The following SPTBN5 variants were observed in gnomAD, a reference collection of about 807,000 sequenced individuals.
SPTBN5 encodes spectrin beta chain, non-erythrocytic 5.
SPTBN5 carries 513 observed loss-of-function variants against 477.6 expected under a neutral mutation model. The ratio of observed to expected loss-of-function variants is 1.07; its 90% CI spans 1.00 to 1.16. SPTBN5 has a LOEUF of 1.16. SPTBN5 is among the 50% of genes most tolerant of loss of function. The pLI is 0.00. For synonymous variants in SPTBN5, 2,169 were observed against 2,011.7 expected (o/e 1.08, Z -2.09); for missense variants, 5,062 against 4,731.8 (o/e 1.07, Z -2.05).
At chr15:41,884,229 G>A (rs1297993818) in intron 7 of SPTBN5, among the ~76,000 whole-genome samples, 2 of 151,684 alleles carry the variant, frequency 1.3e-5, no homozygotes, top group South Asian at 2.1e-4. Flanking sequence ...CTCGTGATCT[G>A]CCCGCCTCAG....
chr15:41,876,620 C>G lies in SPTBN5; in HGVS notation c.3879G>C (p.Gln1293His). Residue 1293 changes from glutamine (Q) to histidine (H), a missense_variant, in exon 20 of 68, where the codon CAG becomes CAC. Physicochemically the swap from Gln to His is conservative, Grantham distance 24. Transcript: ENST00000320955. ...TCCCCTGGAGCCTGGTCCACTGTGC[C>G]TGGATACTCTGCAGCTGCTCTCTGA... The part of the protein sequence containing the change: ...HTVREQLQSI[Q>H]AQWTRLQGRS... 3.3e-6 allele frequency: 5 copies of G among 1,526,594 alleles called. No homozygotes were observed. The highest frequency in any genetic ancestry group is 4.4e-6 in the Non-Finnish European group (5 of 1,124,398). 94.6% of individuals were successfully genotyped at this position (1,526,594 alleles called of 1,614,324 possible). A position where few individuals can be genotyped will look rare whatever the true frequency, so the allele number is the denominator to read the frequency against.
chr15:41,858,346 C>T (rs2065988400), intron 49 of SPTBN5, among the ~76,000 whole-genome samples: 1 of 152,210 alleles, frequency 6.6e-6, no homozygotes, highest in Admixed American at 6.5e-5. Context: ...GTGGCTATGT[C>T]CTGTTCACAT....
At chr15:41,859,984 C>G (rs767849823) in intron 47 of SPTBN5, among the ~76,000 whole-genome samples, 2 of 152,202 alleles carry the variant, frequency 1.3e-5, no homozygotes, top group African/African-American at 4.8e-5. Context: ...GTCTGAGGAG[C>G]TGCATGAAGC....
rs149644179 is a variant in SPTBN5 at position 41,855,198 on chromosome 15, G to C, written c.9423+26C>G. Reference sequence around the variant, plus strand: ...CTTCCTCAGCCTCTGCCCACTCCCCGTGAGGTTTGCTCAGGAGTAACTCAC... The same window carrying C: ...CTTCCTCAGCCTCTGCCCACTCCCCCTGAGGTTTGCTCAGGAGTAACTCAC... On this transcript the variant is annotated intron_variant, in intron 55 of 67. Coordinates refer to ENST00000320955, the MANE Select transcript of SPTBN5 (RefSeq NM_016642.4). The C allele has an allele frequency of 5.0e-5, 80 of 1,592,934 alleles. 2 individuals are homozygous for C. The East Asian group carries it at 1.8e-3, about 35-fold the overall frequency.
intron 7 of SPTBN5, among the ~76,000 whole-genome samples, chr15:41,884,177 G>T (rs998370350): frequency 6.6e-6 from 1 of 152,042 alleles, no homozygotes; most frequent in Non-Finnish European, 1.5e-5. Flanking sequence ...TAGTAGAGAC[G>T]GGGTTTCACT....
Position 41,878,638 on chromosome 15 carries a change from C to T in SPTBN5, c.3183-9G>A. On this transcript the variant is annotated splice_polypyrimidine_tract_variant and intron_variant, in intron 16 of 67. Transcript: ENST00000320955. The stretch of plus-strand genomic sequence containing the variant: ...AGCCTGGCTCCTCGACCCTGGGAGA[C>T]AGGGTGCGCTGCACAGTCAGTGCCC... The T allele has an allele frequency of 6.2e-7, 1 of 1,607,016 alleles. No individual in the cohort carries two copies. Among genetic ancestry groups the T allele is most frequent in the South Asian group, 1.1e-5 (1 of 90,398 alleles).
rs1459831442 is a variant in SPTBN5, at chr15:41,851,135, C to A, written c.10759G>T (p.Ala3587Ser). Reference protein sequence around the residue: ...RMAAEKVASIALLDLTGARCE... With the variant: ...RMAAEKVASISLLDLTGARCE... ...CGGGCTCCCGTGAGGTCAAGGAGGG[C>A]TATGGAAGCTACTTTCTGAGGAGAG... The change falls in exon 65 of 68, where the codon GCC becomes TCC. Residue 3587 changes from alanine to serine, a missense_variant. By Grantham distance (99) the Ala-to-Ser change is moderately conservative. Transcript: ENST00000320955. 2 of 1,613,138 alleles carry A rather than the reference C, an allele frequency of 1.2e-6. No homozygotes were observed. Among genetic ancestry groups the A allele is most frequent in the Non-Finnish European group, 1.7e-6 (2 of 1,179,746 alleles).
chr15:41,865,294 AT>A (rs2066261940), intron 39 of SPTBN5, among the ~76,000 whole-genome samples: 2 of 152,188 alleles, frequency 1.3e-5, no homozygotes, highest in Admixed American at 1.3e-4. Flanking sequence ...GTGGGCGCTG[AT>A]TATCTGCCAC....
Position 41,858,610 on chromosome 15 carries a change from G to A in SPTBN5, c.8218C>T (p.Leu2740=). The change falls in exon 49 of 68, where the codon CTG becomes TTG. Residue 2740 remains leucine (L), a synonymous_variant. Coordinates refer to ENST00000320955, the MANE Select transcript of SPTBN5 (RefSeq NM_016642.4). ...LDASMHQQQE[L]QREGQRLLQG... is the part of the protein sequence containing the mutation. ...TGCCTGCAGGGCCTCACCCGCTGCA[G>A]CTCCTGCTGTTGGTGCATGCTCGCG... 6.2e-7 allele frequency: 1 copy of A among 1,610,982 alleles called. No individual in the cohort carries two copies. Among genetic ancestry groups the A allele is most frequent in the East Asian group, 2.2e-5 (1 of 44,826 alleles).
intron 53 of SPTBN5, among the ~76,000 whole-genome samples, chr15:41,855,990 G>A (rs1252148443): frequency 6.6e-6 from 1 of 152,236 alleles, no homozygotes; most frequent in Non-Finnish European, 1.5e-5. Context: ...TGGTTCATAG[G>A]CATAGATTTT....
intron 4 of SPTBN5, 37 bp from the exon 5 acceptor site, chr15:41,888,122 T>G (rs1182915975): frequency 6.5e-7 from 1 of 1,542,656 alleles, no homozygotes. Context: ...CATGCGGGGA[T>G]GGGGTGGGGA....
At position 41,882,057 on chromosome 15, in the gene SPTBN5, G is replaced by C. The variant is rs2066976502; in HGVS notation, c.2336C>G (p.Ala779Gly). ...ERASCGQDQA[A>G]AETLLRRHVR... ...GTGGCGCCTCAGCAGGGTCTCGGCG[G>C]CCGCCTGGTCCTGACCGCAGGACGC... Residue 779 changes from alanine (A) to glycine (G), a missense_variant, in exon 12 of 68, where the codon GCC (alanine) becomes GGC (glycine). Ala to Gly is a moderately conservative substitution (Grantham distance 60). Coordinates refer to ENST00000320955, the MANE Select transcript of SPTBN5 (RefSeq NM_016642.4). 6.4e-7 allele frequency: 1 copy of C among 1,560,106 alleles called. No individual in the cohort carries two copies. The highest frequency in any genetic ancestry group is 2.4e-5 in the East Asian group (1 of 41,506).
intron 57 of SPTBN5, 72 bp downstream of exon 57, chr15:41,853,978 T>C (rs2065858060): frequency 1.3e-6 from 2 of 1,493,866 alleles, no homozygotes; most frequent in African/African-American, 1.4e-5. Flanking sequence ...GTGGGAGGGC[T>C]GAGATAGGTC....
Position 41,855,448 on chromosome 15 carries a change from G to A in SPTBN5, c.9219-20C>T. The A allele has an allele frequency of 7.5e-6, 12 of 1,596,642 alleles. No individual in the cohort carries two copies. Among genetic ancestry groups the A allele is most frequent in the Admixed American group, 1.7e-5 (1 of 59,604 alleles). ...TTGGGGCTGTGGGAAGAGAGCGACA[G>A]TCTGGACTGCAGCCCTGCCTTTCCA... On this transcript the variant is annotated intron_variant, in intron 54 of 67. Coordinates refer to ENST00000320955, the MANE Select transcript of SPTBN5 (RefSeq NM_016642.4).
rs1319347173 is a variant in SPTBN5, at chr15:41,863,018, TG to T, written c.7150-116del. Reference sequence around the variant, plus strand: ...ACAGCAAGTCCCCAGCGTGATTTCCTGGCCCCGACTTTGAGGGCCAGAGATC... The same window carrying T: ...ACAGCAAGTCCCCAGCGTGATTTCCTGCCCCGACTTTGAGGGCCAGAGATC... On this transcript the variant is annotated intron_variant, in intron 41 of 67. Coordinates refer to ENST00000320955, the MANE Select transcript of SPTBN5 (RefSeq NM_016642.4). The T allele has an allele frequency of 1.2e-5, 11 of 925,018 alleles. No homozygotes were observed. The Admixed American group carries it at 2.4e-4, about 20-fold the overall frequency. The allele number at this position is 925,018 out of a possible 1,614,324, so 57.3% of individuals were successfully genotyped here.
chr15:41,857,771 T>A, intron 49 of SPTBN5, 61 bp from the exon 50 acceptor site: 1 of 1,505,640 alleles, frequency 6.6e-7, no homozygotes, highest in South Asian at 1.2e-5. Context: ...AGGGCACTTG[T>A]GTTGACTCTG....
Position 41,870,544 on chromosome 15 carries a change from G to T in SPTBN5, c.5464C>A (p.Leu1822Met), listed in dbSNP as rs758855929. 1.2e-6 allele frequency: 2 copies of T among 1,609,244 alleles called. No homozygotes were observed. The highest frequency in any genetic ancestry group is 1.1e-5 in the South Asian group (1 of 91,016). Reference sequence around the variant, plus strand: ...CCTCGGGCCTGGGTCAGCTCCCACAGCTCCGACCAGGCGGTCCTGCCCACG... The same window carrying T: ...CCTCGGGCCTGGGTCAGCTCCCACATCTCCGACCAGGCGGTCCTGCCCACG... ...QQDLQTAWSELWELTQARGHA... is the reference protein window; with the variant it reads ...QQDLQTAWSEMWELTQARGHA... Residue 1822 changes from leucine to methionine, a missense_variant, in exon 30 of 68, where the codon CTG becomes ATG. By Grantham distance (15) the Leu-to-Met change is conservative. Coordinates refer to ENST00000320955, the MANE Select transcript of SPTBN5 (RefSeq NM_016642.4).
rs771841716 is a variant in SPTBN5 at position 41,885,778 on chromosome 15, G to C, written c.1477C>G (p.Leu493Val). ...FQALAEIADI[L>V]RQEQYHSWAD... The stretch of plus-strand genomic sequence containing the variant: ...CAGCTGTGGTACTGCTCCTGCCGGA[G>C]GATGTCTGCGATCTCAGCCAGGGCC... The change falls in exon 7 of 68, where the codon CTC becomes GTC. Residue 493 changes from leucine (L) to valine (V), a missense_variant. Physicochemically the swap from Leu to Val is conservative, Grantham distance 32. Transcript: ENST00000320955. 4 of 1,557,808 alleles carry C rather than the reference G, an allele frequency of 2.6e-6. No homozygotes were observed. The East Asian group carries it at 9.7e-5, about 38-fold the overall frequency.
At position 41,853,737 on chromosome 15, in the gene SPTBN5, G is replaced by A. The variant is rs376008752; in HGVS notation, c.9825C>T (p.Ala3275=). 139 of 1,587,780 alleles carry A rather than the reference G, an allele frequency of 8.8e-5. 1 individual carries two copies. The highest frequency in any genetic ancestry group is 7.2e-4 in the South Asian group (63 of 87,870). ...EKEVARLQTE[A]CRLGQLHPAA... ...CAGGATGTAGCTGGCCCAGTCGGCA[G>A]GCCTCCGTCTGTAGCCGTGCCACCT... Residue 3275 remains alanine, a synonymous_variant, in exon 58 of 68, where the codon GCC becomes GCT. Transcript: ENST00000320955.
Sources: allele counts gnomAD v4.1 joint callset (sites outside exome capture counted in the v4.1 genomes callset), GRCh38; gene constraint gnomAD v4.1.1; transcripts MANE v1.5; gene names NCBI Gene and HGNC (gene_info 2026-07-23, HGNC 2026-07-21).